Variants in TMEM185B observed in about 807,000 individuals in gnomAD.
TMEM185B encodes ee3_2.
In TMEM185B, 9 loss-of-function variants were observed where a neutral mutation model predicts 26.2. The ratio of observed to expected loss-of-function variants is 0.34; its 90% confidence interval spans 0.21 to 0.60. The LOEUF (loss-of-function observed/expected upper bound fraction) is 0.60, where lower values mean the gene tolerates loss of function less well. TMEM185B is among the 20% of genes least tolerant of loss of function. TMEM185B has a pLI of 0.80. For missense variants in TMEM185B, 392 were observed against 447.9 expected, an observed-to-expected ratio of 0.88 and a Z score of 1.13; for synonymous variants, 204 against 191.8, an observed-to-expected ratio of 1.06 and a Z score of -0.52.
In TMEM185B at chr2:120,221,084, A is replaced by G. The variant is rs1469179594; in HGVS notation, c.*840T>C. ...TGGTACCACACTAGAGCCTGTCACA[A>G]GTTCCCAAGGGCAGTGGCCTCTTCC... On this transcript the variant is annotated 3_prime_UTR_variant, in exon 1 of 1. Coordinates refer to ENST00000426077, the MANE Select transcript of TMEM185B (RefSeq NM_024121.3). Among the ~76,000 whole-genome samples, 1 of 152,226 alleles carries G rather than the reference A, an allele frequency of 6.6e-6. No homozygotes were observed. The highest frequency in any genetic ancestry group is 1.5e-5 in the Non-Finnish European group (1 of 68,040).
rs1688615915 is a variant in TMEM185B at position 120,222,908 on chromosome 2, G to A, written c.69C>T (p.Leu23=). Residue 23 remains leucine (L), a synonymous_variant, in exon 1 of 1, where the codon CTC becomes CTT. Coordinates refer to ENST00000426077, the MANE Select transcript of TMEM185B (RefSeq NM_024121.3). ...GGCGGAGGGGCAGCAGCACCGAGAAGAGCAGCAGGCAGGTGTAGATGAGAA... is the reference window on the plus strand; with the variant it reads ...GGCGGAGGGGCAGCAGCACCGAGAAAAGCAGCAGGCAGGTGTAGATGAGAA... ...SKFLIYTCLL[L]FSVLLPLRLD... 3 of 1,455,052 alleles carry A rather than the reference G, an allele frequency of 2.1e-6. No homozygotes were observed. The African/African-American group carries it at 4.3e-5, about 21-fold the overall frequency. The allele number at this position is 1,455,052 out of a possible 1,614,324, so 90.1% of individuals were successfully genotyped here. A position where few individuals can be genotyped will look rare whatever the true frequency, so the allele number is the denominator to read the frequency against.
Position 120,219,409 on chromosome 2 carries a change from A to C in TMEM185B, c.*2515T>G, listed in dbSNP as rs914873767. ...ACAGCGGATGGCCTACCTGGTGAGA[A>C]AGCTTGTTTCCACACTAGATGCTGG... is the stretch of plus-strand genomic sequence containing the variant. On this transcript the variant is annotated 3_prime_UTR_variant, in exon 1 of 1. Coordinates refer to ENST00000426077, the MANE Select transcript of TMEM185B (RefSeq NM_024121.3). 6.6e-6 allele frequency among the ~76,000 whole-genome samples: 1 copy of C among 152,110 alleles called. No individual in the cohort carries two copies. Among genetic ancestry groups the C allele is most frequent in the Non-Finnish European group, 1.5e-5 (1 of 68,012 alleles).
Position 120,223,018 on chromosome 2 carries a change from G to C in TMEM185B, c.-42C>G. ...TGCCTGCCCGGGCCTGCTCCCTCGC[G>C]ACGCTCGGCGCTCGCGTCTCCGCGG... On this transcript the variant is annotated 5_prime_UTR_variant, in exon 1 of 1. Transcript: ENST00000426077. The C allele has an allele frequency of 2.3e-6, 3 of 1,329,814 alleles. No individual in the cohort carries two copies. Among genetic ancestry groups the C allele is most frequent in the Non-Finnish European group, 1.9e-6 (2 of 1,037,548 alleles). 82.4% of individuals were successfully genotyped at this position (1,329,814 alleles called of 1,614,324 possible). A position where few individuals can be genotyped will look rare whatever the true frequency, so the allele number is the denominator to read the frequency against.
rs1688611518 is a variant in TMEM185B at position 120,222,749 on chromosome 2, C to G, written c.228G>C (p.Glu76Asp). Residue 76 changes from glutamate to aspartate, a missense_variant, in exon 1 of 1, where the codon GAG (glutamate) becomes GAC (aspartate). This residue lies in a region of TMEM185B where 175 missense variants were observed against 169.1 expected (regional missense o/e 1.03). Coordinates refer to ENST00000426077, the MANE Select transcript of TMEM185B (RefSeq NM_024121.3). ...GCATGGCTTTGAACTCCACACAGGC[C>G]TCTCCCTCGGTGCGGTAGCGAGGGT... ...ARNPRYRTEGEACVEFKAMLI... is the reference protein window; with the variant it reads ...ARNPRYRTEGDACVEFKAMLI... The G allele has an allele frequency of 1.3e-6, 2 of 1,536,472 alleles. No homozygotes were observed. Among genetic ancestry groups the G allele is most frequent in the African/African-American group, 1.4e-5 (1 of 73,196 alleles).
Position 120,222,892 on chromosome 2 carries a change from G to T in TMEM185B, c.85C>A (p.Pro29Thr), listed in dbSNP as rs1453528386. ...TGGATGATGCCGTCCAGGCGGAGGG[G>T]CAGCAGCACCGAGAAGAGCAGCAGG... ...TCLLLFSVLL[P>T]LRLDGIIQWS... The change falls in exon 1 of 1, where the codon CCC (proline) becomes ACC (threonine). Residue 29 changes from proline to threonine, a missense_variant. Coordinates refer to ENST00000426077, the MANE Select transcript of TMEM185B (RefSeq NM_024121.3). 1 of 1,458,932 alleles carries T rather than the reference G, an allele frequency of 6.9e-7. No homozygotes were observed. Among genetic ancestry groups the T allele is most frequent in the Non-Finnish European group, 9.0e-7 (1 of 1,113,462 alleles). 90.4% of individuals were successfully genotyped at this position (1,458,932 alleles called of 1,614,324 possible). A position where few individuals can be genotyped will look rare whatever the true frequency, so the allele number is the denominator to read the frequency against.
chr2:120,220,171 A>C lies in TMEM185B; in HGVS notation c.*1753T>G, dbSNP rs144890263. On this transcript the variant is annotated 3_prime_UTR_variant, in exon 1 of 1. Coordinates refer to ENST00000426077, the MANE Select transcript of TMEM185B (RefSeq NM_024121.3). ...ATTTTAATGTTTTATATAGGGCAAA[A>C]ATAGTGAATTTAGGGTTATGTGTTT... 1.3e-5 allele frequency among the ~76,000 whole-genome samples: 2 copies of C among 152,296 alleles called. No individual in the cohort carries two copies. The highest frequency in any genetic ancestry group is 3.9e-4 in the East Asian group (2 of 5,178).
In TMEM185B at chr2:120,218,524, GGATGGCCTCCCTCACCGTCT is replaced by G. The variant is rs1218653623; in HGVS notation, c.*3380_*3399del. 3.3e-5 allele frequency among the ~76,000 whole-genome samples: 5 copies of G among 152,252 alleles called. No individual in the cohort carries two copies. The highest frequency in any genetic ancestry group is 1.2e-4 in the African/African-American group (5 of 41,466). On this transcript the variant is annotated 3_prime_UTR_variant, in exon 1 of 1. Transcript: ENST00000426077. ...TCAGGGCCCTGGCAGGGCCAGGTGG[GGATGGCCTCCCTCACCGTCT>G]GCTGCTTCTACCTACATGGCTGGGC...
In TMEM185B at chr2:120,217,734, C is replaced by A. The variant is rs532147713; in HGVS notation, c.*4190G>T. Among the ~76,000 whole-genome samples the A allele has an allele frequency of 5.3e-5, 8 of 152,278 alleles. No individual in the cohort carries two copies. The South Asian group carries it at 1.0e-3, about 20-fold the overall frequency. ...CCACGTGGGGTTGGGAAAGGAAGGACCTTGAGGACCCTCAGGGGTCCTTGG... is the reference window on the plus strand; with the variant it reads ...CCACGTGGGGTTGGGAAAGGAAGGAACTTGAGGACCCTCAGGGGTCCTTGG... On this transcript the variant is annotated 3_prime_UTR_variant, in exon 1 of 1. Coordinates refer to ENST00000426077, the MANE Select transcript of TMEM185B (RefSeq NM_024121.3).
At position 120,222,990 on chromosome 2, in the gene TMEM185B, G is replaced by A. The variant is rs1431717674; in HGVS notation, c.-14C>T. Reference sequence around the variant, plus strand: ...CCTGGGGTTCATGGCGGAGGCCGCCGCTTGCCTGCCCGGGCCTGCTCCCTC... The same window carrying A: ...CCTGGGGTTCATGGCGGAGGCCGCCACTTGCCTGCCCGGGCCTGCTCCCTC... On this transcript the variant is annotated 5_prime_UTR_variant, in exon 1 of 1. Transcript: ENST00000426077. The A allele has an allele frequency of 7.1e-6, 10 of 1,410,300 alleles. No homozygotes were observed. Among genetic ancestry groups the A allele is most frequent in the Non-Finnish European group, 9.2e-6 (10 of 1,086,088 alleles). 87.4% of individuals were successfully genotyped at this position (1,410,300 alleles called of 1,614,324 possible). A position where few individuals can be genotyped will look rare whatever the true frequency, so the allele number is the denominator to read the frequency against.
In TMEM185B at chr2:120,223,234, T is replaced by C. The variant is rs535108875; in HGVS notation, c.-258A>G. 258 of 288,200 alleles carry C rather than the reference T, an allele frequency of 9.0e-4. 2 individuals are homozygous for C. Among genetic ancestry groups the C allele is most frequent in the South Asian group, 3.4e-3 (21 of 6,214 alleles). 17.9% of individuals were successfully genotyped at this position (288,200 alleles called of 1,614,324 possible). A position where few individuals can be genotyped will look rare whatever the true frequency, so the allele number is the denominator to read the frequency against. Reference sequence around the variant, plus strand: ...CACGGGCGGCGCGGCGGTTACAAACTGGGCGCTGCCTCGGTCCCGCCGCCG... The same window carrying C: ...CACGGGCGGCGCGGCGGTTACAAACCGGGCGCTGCCTCGGTCCCGCCGCCG... On this transcript the variant is annotated 5_prime_UTR_variant, in exon 1 of 1. Transcript: ENST00000426077.
In TMEM185B at chr2:120,222,197, T is replaced by G. The variant is rs1688600588; in HGVS notation, c.780A>C (p.Thr260=). The change falls in exon 1 of 1, where the codon ACA becomes ACC. Residue 260 remains threonine (T), a synonymous_variant. Coordinates refer to ENST00000426077, the MANE Select transcript of TMEM185B (RefSeq NM_024121.3). ...LWLSLLTLMA[T]TFRRKGGNHW... ...GATTGCCCCCCTTTCGCCTAAATGT[T>G]GTGGCCATTAAAGTTAGTAAGGAAA... 6.5e-7 allele frequency: 1 copy of G among 1,542,296 alleles called. No individual in the cohort carries two copies. The highest frequency in any genetic ancestry group is 1.9e-5 in the Admixed American group (1 of 51,490).
At position 120,221,614 on chromosome 2, in the gene TMEM185B, G is replaced by T. The variant is rs925189942; in HGVS notation, c.*310C>A. On this transcript the variant is annotated 3_prime_UTR_variant, in exon 1 of 1. Transcript: ENST00000426077. ...TACTTTTTAAACAATAGTTTTGATA[G>T]GTACAGTAGCATTTAAACAAACAGC... is the stretch of plus-strand genomic sequence containing the variant. 7.3e-5 allele frequency: 22 copies of T among 300,196 alleles called. No individual in the cohort carries two copies. The highest frequency in any genetic ancestry group is 4.3e-4 in the African/African-American group (20 of 46,480). 18.6% of individuals were successfully genotyped at this position (300,196 alleles called of 1,614,324 possible).
rs1301636488 is a variant in TMEM185B, at chr2:120,219,823, C to T, written c.*2101G>A. Reference sequence around the variant, plus strand: ...TGTGGGTGCAGCTCACACTTCTCACCGTACAGGACACTTTGCATGGGCAGG... The same window carrying T: ...TGTGGGTGCAGCTCACACTTCTCACTGTACAGGACACTTTGCATGGGCAGG... On this transcript the variant is annotated 3_prime_UTR_variant, in exon 1 of 1. Transcript: ENST00000426077. Among the ~76,000 whole-genome samples the T allele has an allele frequency of 1.3e-5, 2 of 152,254 alleles. No homozygotes were observed. Among genetic ancestry groups the T allele is most frequent in the South Asian group, 2.1e-4 (1 of 4,834 alleles).
In TMEM185B at chr2:120,219,640, T is replaced by TGG. The variant is rs1484626357; in HGVS notation, c.*2283_*2284insCC. On this transcript the variant is annotated 3_prime_UTR_variant, in exon 1 of 1. Transcript: ENST00000426077. ...TGCCTGCCCATGCACCCCTAAATCT[T>TGG]ACTGAAATGAAAATCCACGTCTTTG... Among the ~76,000 whole-genome samples, 11 of 152,296 alleles carry TGG rather than the reference T, an allele frequency of 7.2e-5. No homozygotes were observed. In the East Asian group the frequency reaches 2.1e-3, roughly 29 times the overall value.
At position 120,218,884 on chromosome 2, in the gene TMEM185B, G is replaced by C. The variant is rs1311967003; in HGVS notation, c.*3040C>G. Among the ~76,000 whole-genome samples the C allele has an allele frequency of 6.6e-6, 1 of 152,222 alleles. No individual in the cohort carries two copies. The highest frequency in any genetic ancestry group is 2.4e-5 in the African/African-American group (1 of 41,466). ...TGAGGTCACGGAGTGACAGCCCCCTGTGTGGACTGTGCTTGTTCCTTGGCC... is the reference window on the plus strand; with the variant it reads ...TGAGGTCACGGAGTGACAGCCCCCTCTGTGGACTGTGCTTGTTCCTTGGCC... On this transcript the variant is annotated 3_prime_UTR_variant, in exon 1 of 1. Coordinates refer to ENST00000426077, the MANE Select transcript of TMEM185B (RefSeq NM_024121.3).
Position 120,218,957 on chromosome 2 carries a change from C to T in TMEM185B, c.*2967G>A, listed in dbSNP as rs949093821. Among the ~76,000 whole-genome samples, 1 of 152,194 alleles carries T rather than the reference C, an allele frequency of 6.6e-6. No individual in the cohort carries two copies. Among genetic ancestry groups the T allele is most frequent in the East Asian group, 1.9e-4 (1 of 5,196 alleles). On this transcript the variant is annotated 3_prime_UTR_variant, in exon 1 of 1. Coordinates refer to ENST00000426077, the MANE Select transcript of TMEM185B (RefSeq NM_024121.3). ...GGTCAGGCATGGCCATGTGTTGTGG[C>T]CAACAGAAAGTGAGCAGGGGCTGTA...
chr2:120,222,276 C>G lies in TMEM185B; in HGVS notation c.701G>C (p.Arg234Thr), dbSNP rs746636756. The G allele has an allele frequency of 3.9e-6, 6 of 1,536,348 alleles. No homozygotes were observed. In the South Asian group the frequency reaches 7.1e-5, roughly 18 times the overall value. ...LLTFEVLLVH[R>T]LDGHNTFSYV... The stretch of plus-strand genomic sequence containing the variant: ...GGAGAATGTATTGTGGCCATCCAAT[C>G]TGTGAACCAGCAGGACCTCAAAAGT... The change falls in exon 1 of 1, where the codon AGA becomes ACA. Residue 234 changes from arginine (R) to threonine (T), a missense_variant. By Grantham distance (71) the Arg-to-Thr change is moderately conservative (BLOSUM62 -1). This residue lies in a region of TMEM185B where 176 missense variants were observed against 201.6 expected (regional missense o/e 0.87). Coordinates refer to ENST00000426077, the MANE Select transcript of TMEM185B (RefSeq NM_024121.3).
At position 120,222,721 on chromosome 2, in the gene TMEM185B, T is replaced by C. The variant is rs192692700; in HGVS notation, c.256A>G (p.Ile86Val). 9.8e-6 allele frequency: 15 copies of C among 1,536,416 alleles called. No individual in the cohort carries two copies. The East Asian group carries it at 3.7e-4, about 38-fold the overall frequency. Residue 86 changes from isoleucine (I) to valine (V), a missense_variant, in exon 1 of 1, where the codon ATC becomes GTC. Physicochemically the swap from Ile to Val is conservative, Grantham distance 29 (BLOSUM62 3). Around this residue, in one of 3 missense-constraint regions of TMEM185B, gnomAD observed 175 missense variants for 169.1 expected, o/e 1.03. Transcript: ENST00000426077. ...EACVEFKAML[I>V]AVGIHLLLLM... ...AGCAGCAGGTGGATGCCCACAGCGA[T>C]CAGCATGGCTTTGAACTCCACACAG...
chr2:120,220,531 G>A lies in TMEM185B; in HGVS notation c.*1393C>T, dbSNP rs1688569335. ...AGATCACCTCAAGTCAGGAGTTTGAGACCAGCCTGACCAACATGGAGAAAC... is the reference window on the plus strand; with the variant it reads ...AGATCACCTCAAGTCAGGAGTTTGAAACCAGCCTGACCAACATGGAGAAAC... On this transcript the variant is annotated 3_prime_UTR_variant, in exon 1 of 1. Coordinates refer to ENST00000426077, the MANE Select transcript of TMEM185B (RefSeq NM_024121.3). Among the ~76,000 whole-genome samples, 1 of 152,218 alleles carries A rather than the reference G, an allele frequency of 6.6e-6. No homozygotes were observed. Among genetic ancestry groups the A allele is most frequent in the Non-Finnish European group, 1.5e-5 (1 of 68,048 alleles).
Sources: allele counts gnomAD v4.1 joint callset (sites outside exome capture counted in the v4.1 genomes callset), GRCh38; gene constraint gnomAD v4.1.1; regional missense constraint gnomAD v4.1.1; transcripts MANE v1.5; gene names NCBI Gene and HGNC (gene_info 2026-07-23, HGNC 2026-07-21).